Variants in RAPGEF4 observed in about 807,000 individuals in gnomAD.
The protein encoded by RAPGEF4 is Rap guanine nucleotide exchange factor 4.
In RAPGEF4, 66 loss-of-function variants were observed where a neutral mutation model predicts 147.9. That is an observed-to-expected ratio of 0.45 (90% CI 0.37 to 0.55). The LOEUF is 0.55. Ranked by LOEUF, RAPGEF4 falls within the 20% of genes least tolerant of loss-of-function variation. The pLI, the probability that RAPGEF4 is intolerant of heterozygous loss-of-function variation, is 0.00. For missense variants in RAPGEF4, 1,071 were observed against 1,257.3 expected (o/e 0.85, Z 2.24); for synonymous variants, 419 against 442.7 (o/e 0.95, Z 0.67).
chr2:173,049,800 T>C (rs1391536476), intron 30 of RAPGEF4, among the ~76,000 whole-genome samples: 1 of 152,248 alleles, frequency 6.6e-6, no homozygotes, highest in Non-Finnish European at 1.5e-5. Flanking sequence ...AGAATTAAAG[T>C]GTCTCATGTG....
chr2:173,014,087 CG>C (rs1695279619), intron 17 of RAPGEF4, among the ~76,000 whole-genome samples: 1 of 152,122 alleles, frequency 6.6e-6, no homozygotes, highest in Non-Finnish European at 1.5e-5. Context: ...AAACCAACAA[CG>C]GGTGGAAATG....
intron 1 of RAPGEF4, among the ~76,000 whole-genome samples, chr2:172,749,029 T>C (rs901110687): frequency 2.0e-5 from 3 of 152,342 alleles, no homozygotes; most frequent in African/African-American, 7.2e-5. Flanking sequence ...CCCATGGTCT[T>C]GGGCAGCCTG....
At chr2:172,949,459 A>G (rs1688000033) in intron 6 of RAPGEF4, among the ~76,000 whole-genome samples, 1 of 152,178 alleles carries the variant, frequency 6.6e-6, no homozygotes, top group Admixed American at 6.5e-5. Context: ...ATCCCTCAAA[A>G]TCAAGAAAAT....
intron 1 of RAPGEF4, among the ~76,000 whole-genome samples, chr2:172,785,782 G>C (rs1050755507): frequency 6.6e-6 from 1 of 152,108 alleles, no homozygotes; most frequent in East Asian, 1.9e-4. Flanking sequence ...ACTGGGCAGA[G>C]AGCAGTTCTG....
At chr2:172,872,576 C>T (rs1695360970) in intron 4 of RAPGEF4, among the ~76,000 whole-genome samples, 1 of 152,032 alleles carries the variant, frequency 6.6e-6, no homozygotes, top group Non-Finnish European at 1.5e-5. Flanking sequence ...ATCATGGGGG[C>T]GGATTTCTCC....
chr2:172,846,578 A>G (rs1692217606), intron 4 of RAPGEF4, among the ~76,000 whole-genome samples: 1 of 152,108 alleles, frequency 6.6e-6, no homozygotes, highest in Non-Finnish European at 1.5e-5. Context: ...ATTCTGGCCA[A>G]AAAAAAGTCC....
chr2:172,917,774 G>A (rs757199120), intron 4 of RAPGEF4, 28 bp from the exon 5 acceptor site: 3 of 1,565,552 alleles, frequency 1.9e-6, no homozygotes, highest in African/African-American at 1.4e-5. Context: ...AAATATCTGT[G>A]TGTTGAGTTT....
At chr2:172,762,572 G>A (rs951981700) in intron 1 of RAPGEF4, among the ~76,000 whole-genome samples, 2 of 152,170 alleles carry the variant, frequency 1.3e-5, no homozygotes, top group African/African-American at 4.8e-5. Context: ...CCTTCTGTCT[G>A]GGATTGGGGC....
At chr2:172,772,033 G>A (rs1683670011) in intron 1 of RAPGEF4, among the ~76,000 whole-genome samples, 1 of 152,136 alleles carries the variant, frequency 6.6e-6, no homozygotes, top group Non-Finnish European at 1.5e-5. Flanking sequence ...ATCCCAAAGA[G>A]TTTGAGACCA....
chr2:172,950,676 C>T (rs1688125243), intron 6 of RAPGEF4, among the ~76,000 whole-genome samples: 1 of 152,134 alleles, frequency 6.6e-6, no homozygotes, highest in South Asian at 2.1e-4. Context: ...CTCCTAAAGG[C>T]CAAATGCATT....
chr2:172,782,870 G>C (rs1289412673), intron 1 of RAPGEF4, among the ~76,000 whole-genome samples: 1 of 152,204 alleles, frequency 6.6e-6, no homozygotes, highest in Non-Finnish European at 1.5e-5. Context: ...TTTGGCTGGG[G>C]TCTGGTGACC....
chr2:172,967,777 C>T (rs956566630), intron 10 of RAPGEF4, among the ~76,000 whole-genome samples: 1 of 152,188 alleles, frequency 6.6e-6, no homozygotes, highest in Non-Finnish European at 1.5e-5. Context: ...TGTGGCAGCA[C>T]CTTTCTCCCT....
chr2:172,983,301 T>C (rs1691877561), intron 10 of RAPGEF4, among the ~76,000 whole-genome samples, 195 bp from the exon 11 acceptor site: 1 of 152,166 alleles, frequency 6.6e-6, no homozygotes, highest in Non-Finnish European at 1.5e-5. Context: ...CTTTCTCCCA[T>C]ATCCTTTCAT....
chr2:172,914,661 A>G (rs1239462664), intron 4 of RAPGEF4, among the ~76,000 whole-genome samples: 1 of 152,090 alleles, frequency 6.6e-6, no homozygotes, highest in Non-Finnish European at 1.5e-5. Flanking sequence ...AGAAAGAGGG[A>G]GAAAGAAAAA....
intron 4 of RAPGEF4, among the ~76,000 whole-genome samples, chr2:172,858,813 C>T (rs1252418342): frequency 6.6e-6 from 1 of 152,192 alleles, no homozygotes; most frequent in African/African-American, 2.4e-5. Flanking sequence ...AGTCTCTAAT[C>T]AGCCCTCTCA....
At chr2:172,766,127 AT>A (rs898383444) in intron 1 of RAPGEF4, among the ~76,000 whole-genome samples, 6 of 151,408 alleles carry the variant, frequency 4.0e-5, no homozygotes, top group East Asian at 1.9e-4. Flanking sequence ...ATGATATCTT[AT>A]TTTTTTTTAA....
At chr2:173,028,655 T>C (rs76472195) in intron 25 of RAPGEF4, among the ~76,000 whole-genome samples, 279 of 152,286 alleles carry the variant, frequency 1.8e-3, no homozygotes, top group Middle Eastern at 3.4e-3. Flanking sequence ...TTATGTTATT[T>C]AACCATTATT....
At position 172,877,676 on chromosome 2, in the gene RAPGEF4, C is replaced by T. The variant is rs140259610; in HGVS notation, c.445-40126C>T. Among the ~76,000 whole-genome samples the T allele has an allele frequency of 4.4e-3, 676 of 152,178 alleles. 3 individuals are homozygous for T. The highest frequency in any genetic ancestry group is 0.015 in the African/African-American group (641 of 41,506). ...CCCAAGTCCTTCACATGCCCTAGAC[C>T]GGCCTCTCAGATAAAAGACCCCTTC... On this transcript the variant is annotated intron_variant, in intron 4 of 30. Coordinates refer to ENST00000397081, the MANE Select transcript of RAPGEF4 (RefSeq NM_007023.4).
intron 27 of RAPGEF4, among the ~76,000 whole-genome samples, chr2:173,034,809 G>A (rs921190808): frequency 1.3e-5 from 2 of 151,768 alleles, no homozygotes; most frequent in East Asian, 3.9e-4. Context: ...GGAGGTGGCG[G>A]CTACAGTGAG....
Sources: allele counts gnomAD v4.1 joint callset (sites outside exome capture counted in the v4.1 genomes callset), GRCh38; gene constraint gnomAD v4.1.1; transcripts MANE v1.5; gene names NCBI Gene and HGNC (gene_info 2026-07-23, HGNC 2026-07-21).